The following PBX1 variants were observed in gnomAD, a reference collection of about 807,000 sequenced individuals.
The protein encoded by PBX1 is PBX homeobox 1, also known as pre-B-cell leukemia transcription factor 1.
Under a neutral mutation model 53.4 loss-of-function variants are expected in PBX1, and 6 were observed. The observed-to-expected ratio is 0.11, with a 90% CI of 0.06 to 0.22. The LOEUF (loss-of-function observed/expected upper bound fraction) is 0.22. Among genes scored for constraint, PBX1 ranks in the 10% least tolerant of loss-of-function variants. The pLI is 1.00. For missense variants in PBX1, 251 were observed against 551.4 expected (o/e 0.46, Z 5.46); for synonymous variants, 204 against 212.3 (o/e 0.96, Z 0.34).
At chr1:164,637,644 T>G (rs552392075) in intron 2 of PBX1, among the ~76,000 whole-genome samples, 2 of 152,214 alleles carry the variant, frequency 1.3e-5, no homozygotes, top group Admixed American at 6.5e-5. Context: ...GAGGTTAAGA[T>G]GACTGTAGGA....
At chr1:164,679,777 A>G (rs183787853) in intron 2 of PBX1, among the ~76,000 whole-genome samples, 2 of 152,326 alleles carry the variant, frequency 1.3e-5, no homozygotes, top group Admixed American at 6.5e-5. Flanking sequence ...GTTTTCATTA[A>G]TGTTTGTGTT....
At chr1:164,710,901 G>A (rs1021346064) in intron 2 of PBX1, among the ~76,000 whole-genome samples, 5 of 152,296 alleles carry the variant, frequency 3.3e-5, no homozygotes, top group African/African-American at 1.2e-4. Flanking sequence ...GGGCGTGATG[G>A]CTTACCTTCC....
chr1:164,754,040 G>T (rs1666368454), intron 2 of PBX1, among the ~76,000 whole-genome samples: 1 of 152,154 alleles, frequency 6.6e-6, no homozygotes, highest in Admixed American at 6.5e-5. Context: ...GGAAGGGTGG[G>T]CTTGGGAAGA....
At chr1:164,837,411 A>G (rs887640796) in intron 8 of PBX1, among the ~76,000 whole-genome samples, 22 of 152,252 alleles carry the variant, frequency 1.4e-4, no homozygotes, top group Admixed American at 1.4e-3. Context: ...CCTCTTTTCT[A>G]GTGTAGCTAC....
intron 2 of PBX1, among the ~76,000 whole-genome samples, chr1:164,884,850 T>C (rs754316675): frequency 1.3e-5 from 2 of 152,212 alleles, no homozygotes; most frequent in Non-Finnish European, 2.9e-5. Flanking sequence ...AAGCATTTAC[T>C]GTGCACCACC....
chr1:164,596,794 G>A (rs1655792760), intron 2 of PBX1, among the ~76,000 whole-genome samples: 1 of 151,518 alleles, frequency 6.6e-6, no homozygotes, highest in Non-Finnish European at 1.5e-5. Flanking sequence ...TTCTGTCACT[G>A]TTACTTCACC....
At chr1:164,615,422 T>A (rs992968785) in intron 2 of PBX1, among the ~76,000 whole-genome samples, 1 of 151,986 alleles carries the variant, frequency 6.6e-6, no homozygotes, top group Non-Finnish European at 1.5e-5. Flanking sequence ...AATAACATTC[T>A]TTTTTTTAGA....
chr1:164,735,647 A>C (rs1356731725), intron 2 of PBX1, among the ~76,000 whole-genome samples: 2 of 152,198 alleles, frequency 1.3e-5, no homozygotes, highest in African/African-American at 4.8e-5. Flanking sequence ...AACACTGATG[A>C]CTAGAGAGAC....
intron 2 of PBX1, among the ~76,000 whole-genome samples, chr1:164,743,626 C>G (rs1334734575): frequency 6.6e-6 from 1 of 152,158 alleles, no homozygotes; most frequent in Admixed American, 6.5e-5. Flanking sequence ...AAAGTTAAGT[C>G]TCTCAGCCAA....
chr1:164,688,551 A>G (rs889206730), intron 2 of PBX1, among the ~76,000 whole-genome samples: 1 of 152,164 alleles, frequency 6.6e-6, no homozygotes, highest in African/African-American at 2.4e-5. Context: ...AGTCTGCCAC[A>G]TACATTTCTA....
intron 2 of PBX1, among the ~76,000 whole-genome samples, chr1:164,871,071 G>A (rs1054461200): frequency 2.7e-4 from 41 of 152,158 alleles, no homozygotes; most frequent in African/African-American, 9.4e-4. Context: ...TAAAAAGTCA[G>A]CCAAAGACAG....
At position 164,849,181 on chromosome 1, in the gene PBX1, G is replaced by C; in HGVS notation, c.*2505G>C. Reference sequence around the variant, plus strand: ...CTTGGAAACAAGAAGAGTGACTCCAGATGTGGCCTGAATAATTGCCATGTT... The same window carrying C: ...CTTGGAAACAAGAAGAGTGACTCCACATGTGGCCTGAATAATTGCCATGTT... On this transcript the variant is annotated 3_prime_UTR_variant, in exon 9 of 9. Coordinates refer to ENST00000420696, the MANE Select transcript of PBX1 (RefSeq NM_002585.4). 1 of 1,427,296 alleles carries C rather than the reference G, an allele frequency of 7.0e-7. No individual in the cohort carries two copies. Among genetic ancestry groups the C allele is most frequent in the Non-Finnish European group, 9.2e-7 (1 of 1,088,676 alleles). The allele number at this position is 1,427,296 out of a possible 1,614,324, so 88.4% of individuals were successfully genotyped here.
intron 2 of PBX1, among the ~76,000 whole-genome samples, chr1:164,596,080 T>G (rs188936489): frequency 7.0e-6 from 1 of 143,704 alleles, no homozygotes; most frequent in African/African-American, 2.6e-5. Flanking sequence ...TGTTTTGTTT[T>G]ATTGCCCTGC....
rs186929190 is a variant in PBX1 at position 164,729,932 on chromosome 1, C to G, written c.266-62562C>G. 2.8e-3 allele frequency among the ~76,000 whole-genome samples: 419 copies of G among 152,268 alleles called. 2 individuals carry two copies. Among genetic ancestry groups the G allele is most frequent in the African/African-American group, 9.0e-3 (372 of 41,544 alleles). On this transcript the variant is annotated intron_variant, in intron 2 of 8. Transcript: ENST00000420696. The stretch of plus-strand genomic sequence containing the variant: ...ACATTCGTTGTCTCATTTAATCTTC[C>G]CAATAATTTGATGATGTTGATTCCA...
chr1:164,811,933 G>T lies in PBX1; in HGVS notation c.838-57G>T. On this transcript the variant is annotated intron_variant, in intron 5 of 8. Coordinates refer to ENST00000420696, the MANE Select transcript of PBX1 (RefSeq NM_002585.4). ...TCCCATAAAGCCTTTTTTTTCTTCT[G>T]CAATGTTTCTGAAGGATGAAATGTG... is the stretch of plus-strand genomic sequence containing the variant. 12 of 1,461,546 alleles carry T rather than the reference G, an allele frequency of 8.2e-6. No individual in the cohort carries two copies. In the Admixed American group the frequency reaches 8.3e-5, roughly 10 times the overall value. 90.5% of individuals were successfully genotyped at this position (1,461,546 alleles called of 1,614,324 possible).
intron 2 of PBX1, among the ~76,000 whole-genome samples, chr1:164,584,179 T>C (rs1055213600): frequency 4.6e-5 from 7 of 152,134 alleles, no homozygotes; most frequent in African/African-American, 1.4e-4. Flanking sequence ...GATTTACTTA[T>C]ATTTTTAGAG....
At chr1:164,732,789 T>C (rs1665067838) in intron 2 of PBX1, among the ~76,000 whole-genome samples, 1 of 152,138 alleles carries the variant, frequency 6.6e-6, no homozygotes, top group Admixed American at 6.5e-5. Context: ...TCTTCCAACC[T>C]AGAGAACCTA....
intron 2 of PBX1, among the ~76,000 whole-genome samples, chr1:164,625,236 G>A (rs1657959080): frequency 6.6e-6 from 1 of 152,196 alleles, no homozygotes; most frequent in Non-Finnish European, 1.5e-5. Flanking sequence ...TATATTCAGT[G>A]TGAAAATGCC....
chr1:164,761,235 CAAT>C (rs1290865370), intron 2 of PBX1, among the ~76,000 whole-genome samples: 4 of 152,098 alleles, frequency 2.6e-5, no homozygotes, highest in African/African-American at 9.7e-5. Flanking sequence ...CTCACTAAAT[CAAT>C]ATATAAAAAT....
Sources: allele counts gnomAD v4.1 joint callset (sites outside exome capture counted in the v4.1 genomes callset), GRCh38; gene constraint gnomAD v4.1.1; transcripts MANE v1.5; gene names NCBI Gene and HGNC (gene_info 2026-07-23, HGNC 2026-07-21).